DMXL1: variants seen among roughly 807,000 people sequenced by gnomAD.
DMXL1 encodes dmX-like protein 1.
Under a neutral mutation model 319.2 loss-of-function variants are expected in DMXL1, and 99 were observed. The ratio of observed to expected loss-of-function variants is 0.31; its 90% CI spans 0.26 to 0.37. The LOEUF (loss-of-function observed/expected upper bound fraction) is 0.37, where lower values mean the gene tolerates loss of function less well. Among genes scored for constraint, DMXL1 ranks in the 10% least tolerant of loss-of-function variants. The pLI is 1.00. For synonymous variants in DMXL1, 1,385 were observed against 1,235.2 expected (o/e 1.12, Z -2.54); for missense variants, 3,745 against 3,595.6 (o/e 1.04, Z -1.06).
chr5:119,110,350 T>G (rs1390604036), intron 5 of DMXL1, 67 bp downstream of exon 5: 1 of 1,392,154 alleles, frequency 7.2e-7, no homozygotes, highest in Non-Finnish European at 9.5e-7. Context: ...TATAAATGTA[T>G]TTTAGTTGTG....
In DMXL1 at chr5:119,248,959, T is replaced by A. The variant is rs1229291826; in HGVS notation, c.*1740T>A. ...CAAGATTCAAACAGCTTTAAACACT[T>A]CCAATGAGATAAAATATTTACTATT... On this transcript the variant is annotated 3_prime_UTR_variant, in exon 44 of 44. Coordinates refer to ENST00000539542, the MANE Select transcript of DMXL1 (RefSeq NM_001290321.3). The A allele has an allele frequency of 6.6e-6, 1 of 152,528 alleles. No individual in the cohort carries two copies. Among genetic ancestry groups the A allele is most frequent in the Admixed American group, 6.5e-5 (1 of 15,274 alleles). The allele number at this position is 152,528 out of a possible 1,614,324, so 9.4% of individuals were successfully genotyped here. A position where few individuals can be genotyped will look rare whatever the true frequency, so the allele number is the denominator to read the frequency against.
chr5:119,243,405 A>G (rs1238626316), intron 42 of DMXL1, among the ~76,000 whole-genome samples: 2 of 152,168 alleles, frequency 1.3e-5, no homozygotes, highest in African/African-American at 4.8e-5. Flanking sequence ...AGAAGTACAC[A>G]TTTAATCCCA....
At position 119,189,666 on chromosome 5, in the gene DMXL1, T is replaced by A. The variant is rs562863760; in HGVS notation, c.7136-42T>A. ...GTAAACACAGGTGAAATAAATGCAA[T>A]GAAAATAGTACTTCAGTAACATTTT... On this transcript the variant is annotated intron_variant, in intron 28 of 43. Coordinates refer to ENST00000539542, the MANE Select transcript of DMXL1 (RefSeq NM_001290321.3). 4.2e-5 allele frequency: 66 copies of A among 1,572,656 alleles called. No homozygotes were observed. The South Asian group carries it at 6.5e-4, about 15-fold the overall frequency.
intron 5 of DMXL1, among the ~76,000 whole-genome samples, chr5:119,113,118 GTATGTA>G (rs1760035056): frequency 6.6e-6 from 1 of 152,148 alleles, no homozygotes. Flanking sequence ...TGAAATCATT[GTATGTA>G]TATATATGTA....
At chr5:119,187,188 G>A (rs574815045) in intron 28 of DMXL1, among the ~76,000 whole-genome samples, 3 of 151,808 alleles carry the variant, frequency 2.0e-5, no homozygotes, top group Non-Finnish European at 4.4e-5. Context: ...CAGCCACTTT[G>A]TAGCCTCCCT....
At chr5:119,081,663 A>C (rs1752216231) in intron 1 of DMXL1, 11 of 985,422 alleles carry the variant, frequency 1.1e-5, no homozygotes, top group Non-Finnish European at 1.2e-5. Context: ...ACAAAGATTG[A>C]AGACCAACTT....
chr5:119,152,822 C>A (rs1770117195), intron 19 of DMXL1, among the ~76,000 whole-genome samples: 1 of 152,144 alleles, frequency 6.6e-6, no homozygotes, highest in Non-Finnish European at 1.5e-5. Flanking sequence ...TGGGACTTTG[C>A]AGTTTAGCCT....
chr5:119,125,215 A>G (rs1763253377), intron 9 of DMXL1, among the ~76,000 whole-genome samples: 1 of 152,222 alleles, frequency 6.6e-6, no homozygotes, highest in African/African-American at 2.4e-5. Flanking sequence ...AGCTAAATAC[A>G]GAATGGTGAC....
intron 1 of DMXL1, among the ~76,000 whole-genome samples, chr5:119,089,292 A>ATATATATATATATAT (rs1193170456): frequency 1.8e-4 from 7 of 39,888 alleles, no homozygotes; most frequent in East Asian, 4.0e-3. Flanking sequence ...ATATATATAT[A>ATATATATATATATAT]TTTTTTTTTT....
At chr5:119,111,845 A>G (rs1171295444) in intron 5 of DMXL1, among the ~76,000 whole-genome samples, 1 of 152,274 alleles carries the variant, frequency 6.6e-6, no homozygotes, top group East Asian at 1.9e-4. Context: ...ATAAGAGGTG[A>G]TCTCACTTGA....
chr5:119,130,997 A>G (rs1222285374), intron 10 of DMXL1, among the ~76,000 whole-genome samples: 1 of 150,830 alleles, frequency 6.6e-6, no homozygotes, highest in Non-Finnish European at 1.5e-5. Flanking sequence ...TGTTTTCATT[A>G]TATTACTTTT....
intron 38 of DMXL1, among the ~76,000 whole-genome samples, chr5:119,226,536 A>C (rs535526367): frequency 1.2e-4 from 18 of 152,122 alleles, no homozygotes; most frequent in Non-Finnish European, 2.2e-4. Flanking sequence ...CTGATACCAG[A>C]TGTGTTGGCT....
At chr5:119,154,255 A>T (rs1770502430) in intron 19 of DMXL1, among the ~76,000 whole-genome samples, 1 of 152,254 alleles carries the variant, frequency 6.6e-6, no homozygotes, top group South Asian at 2.1e-4. Flanking sequence ...GCTAGAAAGG[A>T]CTAAGCTTAG....
At chr5:119,121,922 C>G (rs1210060156) in intron 9 of DMXL1, among the ~76,000 whole-genome samples, 2 of 137,002 alleles carry the variant, frequency 1.5e-5, no homozygotes, top group East Asian at 2.2e-4. Flanking sequence ...TGACCCCCCC[C>G]ACCTCCCTCC....
At chr5:119,086,065 T>C (rs1753289348) in intron 1 of DMXL1, among the ~76,000 whole-genome samples, 1 of 152,286 alleles carries the variant, frequency 6.6e-6, no homozygotes, top group South Asian at 2.1e-4. Context: ...ACAAAAGAGG[T>C]TTATTGGACT....
rs773163831 is a variant in DMXL1, at chr5:119,133,257, G to T, written c.1441G>T (p.Val481Leu). The T allele has an allele frequency of 1.2e-6, 2 of 1,614,146 alleles. No individual in the cohort carries two copies. The highest frequency in any genetic ancestry group is 2.2e-5 in the South Asian group (2 of 91,086). The change falls in exon 11 of 44, where the codon GTA becomes TTA. Residue 481 changes from valine (V) to leucine (L), a missense_variant. Val to Leu is a conservative substitution (Grantham distance 32). Around this residue, in one of 4 missense-constraint regions of DMXL1, gnomAD observed 2,096 missense variants for 1,985.4 expected, o/e 1.06. Transcript: ENST00000539542. The stretch of plus-strand genomic sequence containing the variant: ...AGCTGCCATTGATCATCAGATTGAA[G>T]TACTTCTGTCTGAATGGAGTAAAAA... The part of the protein sequence containing the change: ...SSAAIDHQIE[V>L]LLSEWSKNAD...
At chr5:119,190,890 T>G (rs918724533) in intron 29 of DMXL1, among the ~76,000 whole-genome samples, 3 of 152,212 alleles carry the variant, frequency 2.0e-5, no homozygotes, top group Non-Finnish European at 2.9e-5. Context: ...GATAAAATCT[T>G]AGAAATGTGA....
At chr5:119,178,687 A>C (rs1776271680) in intron 28 of DMXL1, 1 of 982,842 alleles carries the variant, frequency 1.0e-6, no homozygotes, top group African/African-American at 1.7e-5. Context: ...CCAGTCTTGC[A>C]GGCAAGATAT....
Position 119,147,490 on chromosome 5 carries a change from A to G in DMXL1, c.2911+20A>G. On this transcript the variant is annotated intron_variant, in intron 17 of 43. Coordinates refer to ENST00000539542, the MANE Select transcript of DMXL1 (RefSeq NM_001290321.3). ...CAGCAGGTTTGTAAATTTTATGAAA[A>G]GAGACTAATTTTGTAACACATGAGT... 6.4e-7 allele frequency: 1 copy of G among 1,573,038 alleles called. No individual in the cohort carries two copies. The highest frequency in any genetic ancestry group is 2.2e-5 in the East Asian group (1 of 44,544).
Sources: gnomAD v4.1 joint callset for allele counts (sites outside exome capture counted in the v4.1 genomes callset) on GRCh38, gnomAD v4.1.1 for gene constraint, gnomAD v4.1.1 regional missense constraint, MANE v1.5 for transcripts, NCBI Gene and HGNC (gene_info 2026-07-23, HGNC 2026-07-21) for gene names.